ATP2B2: variants seen among roughly 807,000 people sequenced by gnomAD.
ATP2B2 encodes plasma membrane calcium-transporting ATPase 2.
Under a neutral mutation model 120.0 loss-of-function variants are expected in ATP2B2, and 15 were observed. That is an observed-to-expected ratio of 0.12 (90% CI 0.08 to 0.19). The LOEUF (loss-of-function observed/expected upper bound fraction) is 0.19, where lower values mean the gene tolerates loss of function less well. ATP2B2 is among the 10% of genes least tolerant of loss of function. The pLI, the probability that ATP2B2 is intolerant of heterozygous loss-of-function variation, is 1.00. For synonymous variants in ATP2B2, 694 were observed against 700.3 expected (o/e 0.99, Z 0.14); for missense variants, 1,045 against 1,719.8 (o/e 0.61, Z 6.94).
intron 2 of ATP2B2, among the ~76,000 whole-genome samples, chr3:10,618,653 C>T (rs905130447): frequency 3.9e-5 from 6 of 152,164 alleles, no homozygotes; most frequent in African/African-American, 1.2e-4. Flanking sequence ...GGTACCCACG[C>T]CCCAGCTCCC....
chr3:10,676,097 T>C (rs1418938317), intron 1 of ATP2B2, among the ~76,000 whole-genome samples: 2 of 152,126 alleles, frequency 1.3e-5, no homozygotes, highest in Non-Finnish European at 2.9e-5. Context: ...GTCTTTATGG[T>C]GCATTGAACA....
chr3:10,393,846 C>G (rs1392082884), intron 5 of ATP2B2, among the ~76,000 whole-genome samples: 1 of 152,226 alleles, frequency 6.6e-6, no homozygotes, highest in Non-Finnish European at 1.5e-5. Flanking sequence ...GCTGCAGGCT[C>G]AAAGCCCATC....
In ATP2B2 at chr3:10,342,801, C is replaced by T. The variant is rs2060318269; in HGVS notation, c.2868G>A (p.Leu956=). The change falls in exon 19 of 23, where the codon CTG becomes CTA. Residue 956 remains leucine (L), a synonymous_variant. Transcript: ENST00000360273. The surrounding 1 kb of genome is among the most constrained non-coding windows in gnomAD (Gnocchi z 4.4). ...GGGCAAGCTGGTAGACAGCATGGCCCAGGATGTTCTTCATCATGGTCCTGG... is the reference window on the plus strand; with the variant it reads ...GGGCAAGCTGGTAGACAGCATGGCCTAGGATGTTCTTCATCATGGTCCTGG... The part of the protein sequence containing the change: ...LISRTMMKNI[L]GHAVYQLALI... 4 of 1,613,826 alleles carry T rather than the reference C, an allele frequency of 2.5e-6. No homozygotes were observed. The highest frequency in any genetic ancestry group is 3.4e-6 in the Non-Finnish European group (4 of 1,179,910).
Position 10,579,410 on chromosome 3 carries a change from C to T in ATP2B2, c.-415+40507G>A, listed in dbSNP as rs149421268. The stretch of plus-strand genomic sequence containing the variant: ...GAGAAGGGCCCAGTGCGGTGGCTCA[C>T]GCCTGTAATCCCAGCACTTTGGGAG... On this transcript the variant is annotated intron_variant, in intron 2 of 21. Transcript: ENST00000646379. Among the ~76,000 whole-genome samples the T allele has an allele frequency of 1.0e-3, 153 of 152,308 alleles. 4 individuals carry two copies. In the East Asian group the frequency reaches 0.026, roughly 26 times the overall value.
chr3:10,383,512 C>T (rs1277012628), intron 8 of ATP2B2, among the ~76,000 whole-genome samples: 1 of 152,190 alleles, frequency 6.6e-6, no homozygotes, highest in African/African-American at 2.4e-5. Context: ...GTGAAACTTA[C>T]AAGACACACT....
intron 2 of ATP2B2, among the ~76,000 whole-genome samples, chr3:10,535,404 T>TGTGTGTGTGC (rs2067293464): frequency 6.6e-6 from 1 of 151,924 alleles, no homozygotes; most frequent in Non-Finnish European, 1.5e-5. Context: ...TGTGTGTGTG[T>TGTGTGTGTGC]GTGTGTGTGT....
chr3:10,569,771 TCAA>T (rs2068083596), intron 2 of ATP2B2, among the ~76,000 whole-genome samples: 1 of 151,992 alleles, frequency 6.6e-6, no homozygotes, highest in East Asian at 1.9e-4. Flanking sequence ...TTGCTGAGGG[TCAA>T]CAACCGGAGG....
chr3:10,481,057 G>A (rs1339879854), intron 1 of ATP2B2, among the ~76,000 whole-genome samples: 1 of 152,220 alleles, frequency 6.6e-6, no homozygotes, highest in African/African-American at 2.4e-5. Context: ...CACACTGGTA[G>A]GAAGTCTGCC....
intron 3 of ATP2B2, among the ~76,000 whole-genome samples, chr3:10,530,472 G>A (rs956056711): frequency 1.3e-5 from 2 of 152,218 alleles, no homozygotes; most frequent in Non-Finnish European, 2.9e-5. Context: ...GAGGCCTAGT[G>A]CGACAGCTCC....
intron 2 of ATP2B2, among the ~76,000 whole-genome samples, chr3:10,585,558 C>T (rs2068491803): frequency 6.7e-6 from 1 of 148,166 alleles, no homozygotes. Flanking sequence ...CAAGACCCGA[C>T]TCTACCCATC....
intron 1 of ATP2B2, among the ~76,000 whole-genome samples, chr3:10,648,209 T>C (rs985054632): frequency 6.6e-6 from 1 of 152,196 alleles, no homozygotes; most frequent in South Asian, 2.1e-4. Context: ...TGGCAGTGGT[T>C]CTGTTCTTAG....
At chr3:10,485,978 G>A (rs925544590) in intron 1 of ATP2B2, among the ~76,000 whole-genome samples, 3 of 152,190 alleles carry the variant, frequency 2.0e-5, no homozygotes, top group African/African-American at 7.2e-5. Context: ...GCGCCATTGC[G>A]ACATGGGGCC....
chr3:10,547,663 C>G (rs568924675), intron 2 of ATP2B2, among the ~76,000 whole-genome samples: 9 of 152,244 alleles, frequency 5.9e-5, no homozygotes, highest in Admixed American at 5.9e-4. Context: ...TGGTCCGTGT[C>G]AGGGAAGACA....
At position 10,658,282 on chromosome 3, in the gene ATP2B2, T is replaced by A. The variant is rs542952561; in HGVS notation, c.-459-38321A>T. Among the ~76,000 whole-genome samples, 36 of 152,234 alleles carry A rather than the reference T, an allele frequency of 2.4e-4. 1 individual carries two copies. Among genetic ancestry groups the A allele is most frequent in the African/African-American group, 8.2e-4 (34 of 41,574 alleles). The stretch of plus-strand genomic sequence containing the variant: ...CGAGTTGAGAGAAGAAGGCTTCAGA[T>A]GATCAAACTTCTCTGAGCTAAAGGA... On this transcript the variant is annotated intron_variant, in intron 1 of 21. Transcript: ENST00000646379.
intron 22 of ATP2B2, chr3:10,336,365 AG>A (rs1474387015): frequency 8.1e-6 from 12 of 1,480,604 alleles, no homozygotes; most frequent in Non-Finnish European, 1.1e-5. Flanking sequence ...CATGACTGAC[AG>A]GGCAACGTCA....
rs144743601 is a variant in ATP2B2 at position 10,483,798 on chromosome 3, C to G, written c.-320+21667G>C. Among the ~76,000 whole-genome samples, 14 of 152,326 alleles carry G rather than the reference C, an allele frequency of 9.2e-5. No homozygotes were observed. The East Asian group carries it at 2.7e-3, about 29-fold the overall frequency. On this transcript the variant is annotated intron_variant, in intron 1 of 22. Coordinates refer to ENST00000360273, the MANE Select transcript of ATP2B2 (RefSeq NM_001001331.4). ...TCCGGAAAAAACTTCCAAAAAGAAA[C>G]TGTGGGACTGGCCCTCTCCAGTCCA...
At chr3:10,527,015 T>A (rs2067110408) in intron 3 of ATP2B2, among the ~76,000 whole-genome samples, 1 of 152,088 alleles carries the variant, frequency 6.6e-6, no homozygotes, top group Admixed American at 6.5e-5. Flanking sequence ...TAAAATGGGG[T>A]CAAAGGGTCG....
intron 12 of ATP2B2, among the ~76,000 whole-genome samples, chr3:10,371,449 A>C (rs1444504338): frequency 6.6e-6 from 1 of 152,196 alleles, no homozygotes; most frequent in Non-Finnish European, 1.5e-5. Context: ...TGAATTGCTG[A>C]CTCACAGGAC....
chr3:10,672,385 C>T (rs1044791887), intron 1 of ATP2B2, among the ~76,000 whole-genome samples: 3 of 152,114 alleles, frequency 2.0e-5, no homozygotes, highest in Admixed American at 6.5e-5. Context: ...GACAGAAATG[C>T]GCAAAAGGAA....
Sources: gnomAD v4.1 joint callset for allele counts (sites outside exome capture counted in the v4.1 genomes callset) on GRCh38, gnomAD v4.1.1 for gene constraint, Gnocchi (gnomAD v3.1) non-coding constraint, MANE v1.5 for transcripts, NCBI Gene and HGNC (gene_info 2026-07-23, HGNC 2026-07-21) for gene names.